The following HEPACAM2 variants were observed in gnomAD, a reference collection of about 807,000 sequenced individuals.
HEPACAM2 encodes the protein HEPACAM family member 2.
Under a neutral mutation model 49.6 loss-of-function variants are expected in HEPACAM2, and 49 were observed. That is an observed-to-expected ratio of 0.99 (90% CI 0.78 to 1.25). The LOEUF (loss-of-function observed/expected upper bound fraction) is 1.25, where lower values mean the gene tolerates loss of function less well. Among genes scored for constraint, HEPACAM2 ranks in the 50% most tolerant of loss-of-function variants. The pLI is 0.00. For missense variants in HEPACAM2, 525 were observed against 557.2 expected, an observed-to-expected ratio of 0.94 and a Z score of 0.58; for synonymous variants, 197 against 202.9, an observed-to-expected ratio of 0.97 and a Z score of 0.25.
At chr7:93,219,023 C>T (rs1794382307) in intron 2 of HEPACAM2, 78 bp downstream of exon 2, 2 of 1,250,492 alleles carry the variant, frequency 1.6e-6, no homozygotes, top group Non-Finnish European at 1.1e-6. Flanking sequence ...AGATCTAAAG[C>T]CGAAGTAGTT....
rs1562821787 is a variant in HEPACAM2 at position 93,197,215 on chromosome 7, ATAGCCCTTTTCAGCT to A, written c.1201+11_1201+25del. 6.3e-7 allele frequency: 1 copy of A among 1,591,024 alleles called. No homozygotes were observed. Among genetic ancestry groups the A allele is most frequent in the Admixed American group, 1.7e-5 (1 of 58,824 alleles). On this transcript the variant is annotated intron_variant, in intron 7 of 9. Coordinates refer to ENST00000394468, the MANE Select transcript of HEPACAM2 (RefSeq NM_001039372.4). ...TAATTAACATACATTAAAACTGATAATAGCCCTTTTCAGCTTGGCCATTACCTGAAAATGTTTGAG... is the reference window on the plus strand; with the variant it reads ...TAATTAACATACATTAAAACTGATAATGGCCATTACCTGAAAATGTTTGAG...
At chr7:93,217,269 GA>G (rs941901534) in intron 2 of HEPACAM2, among the ~76,000 whole-genome samples, 1 of 152,164 alleles carries the variant, frequency 6.6e-6, no homozygotes, top group African/African-American at 2.4e-5. Context: ...TTTTGTATGA[GA>G]AGAACCAATC....
At chr7:93,198,756 G>T (rs982118131) in intron 4 of HEPACAM2, among the ~76,000 whole-genome samples, 27 of 152,066 alleles carry the variant, frequency 1.8e-4, no homozygotes, top group African/African-American at 6.5e-4. Context: ...GTGTGGTAAA[G>T]ACCATGGTGG....
chr7:93,196,464 AGCTCTGACATTCT>A (rs1368302081), intron 7 of HEPACAM2, among the ~76,000 whole-genome samples: 1 of 152,154 alleles, frequency 6.6e-6, no homozygotes, highest in Non-Finnish European at 1.5e-5. Flanking sequence ...GGCCCTTGCC[AGCTCTGACATTCT>A]GTCACTTATA....
At position 93,195,818 on chromosome 7, in the gene HEPACAM2, G is replaced by C; in HGVS notation, c.1275+10C>G. On this transcript the variant is annotated intron_variant, in intron 8 of 9. Coordinates refer to ENST00000394468, the MANE Select transcript of HEPACAM2 (RefSeq NM_001039372.4). ...TACTTCTCGGTTAATCAGCCACTAG[G>C]AAAACCAACCCTGGAAACACCAGAA... 6.2e-7 allele frequency: 1 copy of C among 1,609,742 alleles called. No homozygotes were observed. The highest frequency in any genetic ancestry group is 1.1e-5 in the South Asian group (1 of 90,932).
At position 93,219,458 on chromosome 7, in the gene HEPACAM2, CAAAGG is replaced by C; in HGVS notation, c.80-12_80-8del. Reference sequence around the variant, plus strand: ...TTCAGCCCCGAGCAAGCACCTGTTGCAAAGGAAAGGAAAGTTGTGAAGACCTTGAG... The same window carrying C: ...TTCAGCCCCGAGCAAGCACCTGTTGCAAAGGAAAGTTGTGAAGACCTTGAG... On this transcript the variant is annotated splice_region_variant and splice_polypyrimidine_tract_variant and intron_variant, in intron 1 of 9. Transcript: ENST00000394468. The C allele has an allele frequency of 6.2e-7, 1 of 1,613,642 alleles. No individual in the cohort carries two copies. The highest frequency in any genetic ancestry group is 8.5e-7 in the Non-Finnish European group (1 of 1,179,878).
chr7:93,196,350 C>A (rs1452621269), intron 7 of HEPACAM2, among the ~76,000 whole-genome samples: 1 of 152,098 alleles, frequency 6.6e-6, no homozygotes, highest in African/African-American at 2.4e-5. Flanking sequence ...ACTGAAGCTT[C>A]CCATACATAA....
chr7:93,218,274 G>C (rs1794360337), intron 2 of HEPACAM2, among the ~76,000 whole-genome samples: 1 of 152,138 alleles, frequency 6.6e-6, no homozygotes, highest in Non-Finnish European at 1.5e-5. Flanking sequence ...GGCAGGAATA[G>C]AAGCAGGGAG....
intron 1 of HEPACAM2, among the ~76,000 whole-genome samples, chr7:93,220,802 T>G (rs1174037494): frequency 3.3e-5 from 5 of 152,206 alleles, no homozygotes; most frequent in Admixed American, 2.6e-4. Context: ...ATATATTATT[T>G]TATTTTATTT....
chr7:93,229,496 A>G (rs1208106048), upstream of HEPACAM2, among the ~76,000 whole-genome samples: 1 of 152,192 alleles, frequency 6.6e-6, no homozygotes, highest in African/African-American at 2.4e-5. Flanking sequence ...CTTTCTAATC[A>G]AACCAGGATC....
chr7:93,193,902 T>C (rs542263172), intron 8 of HEPACAM2, among the ~76,000 whole-genome samples: 84 of 152,258 alleles, frequency 5.5e-4, no homozygotes, highest in African/African-American at 1.9e-3. Flanking sequence ...ATAGCTGCCA[T>C]TCTGGCTTCT....
chr7:93,192,534 A>G (rs191598162), intron 8 of HEPACAM2, among the ~76,000 whole-genome samples, 171 bp from the exon 9 acceptor site: 7 of 152,208 alleles, frequency 4.6e-5, no homozygotes, highest in Admixed American at 4.6e-4. Context: ...CACTTACCCT[A>G]TGGCAGTTTG....
At chr7:93,194,261 T>G (rs892156542) in intron 8 of HEPACAM2, among the ~76,000 whole-genome samples, 1 of 152,102 alleles carries the variant, frequency 6.6e-6, no homozygotes, top group African/African-American at 2.4e-5. Context: ...TCTCACTCCT[T>G]TCCAGTGAAT....
At chr7:93,207,569 G>C (rs1227324710) in intron 4 of HEPACAM2, among the ~76,000 whole-genome samples, 3 of 151,904 alleles carry the variant, frequency 2.0e-5, no homozygotes, top group Admixed American at 1.3e-4. Flanking sequence ...TGAGAAATAG[G>C]AAGGAAGGAA....
chr7:93,189,807 G>C (rs1793496190), intron 9 of HEPACAM2, among the ~76,000 whole-genome samples: 1 of 151,980 alleles, frequency 6.6e-6, no homozygotes, highest in African/African-American at 2.4e-5. Flanking sequence ...AAGCAGAGAA[G>C]TTAGGATTCT....
At chr7:93,191,914 C>T (rs1182823878) in intron 9 of HEPACAM2, among the ~76,000 whole-genome samples, 1 of 152,080 alleles carries the variant, frequency 6.6e-6, no homozygotes, top group Non-Finnish European at 1.5e-5. Context: ...ACTAAGTAAT[C>T]ATTAAGATGG....
chr7:93,194,753 G>A (rs1793644685), intron 8 of HEPACAM2, among the ~76,000 whole-genome samples: 1 of 152,064 alleles, frequency 6.6e-6, no homozygotes, highest in Non-Finnish European at 1.5e-5. Flanking sequence ...ATGCCTGGAA[G>A]CAAGTAATCT....
chr7:93,211,190 C>G (rs2116691630), intron 3 of HEPACAM2, among the ~76,000 whole-genome samples: 1 of 152,070 alleles, frequency 6.6e-6, no homozygotes, highest in South Asian at 2.1e-4. Flanking sequence ...TGTTTTCTTT[C>G]TAGAGAAAAA....
At chr7:93,203,894 C>T (rs916444669) in intron 4 of HEPACAM2, among the ~76,000 whole-genome samples, 1 of 152,108 alleles carries the variant, frequency 6.6e-6, no homozygotes, top group Non-Finnish European at 1.5e-5. Context: ...CATTTCCACA[C>T]TCCATCATAG....
Sources: gnomAD v4.1 joint callset for allele counts (sites outside exome capture counted in the v4.1 genomes callset) on GRCh38, gnomAD v4.1.1 for gene constraint, MANE v1.5 for transcripts, NCBI Gene and HGNC (gene_info 2026-07-23, HGNC 2026-07-21) for gene names.